Variants in PDE4D observed in about 807,000 individuals in gnomAD.
PDE4D encodes 3',5'-cyclic-AMP phosphodiesterase 4D.
In PDE4D, 24 loss-of-function variants were observed where a neutral mutation model predicts 87.4. The ratio of observed to expected loss-of-function variants is 0.27; its 90% confidence interval spans 0.20 to 0.39. The LOEUF (loss-of-function observed/expected upper bound fraction) is 0.39, where lower values mean the gene tolerates loss of function less well. Among genes scored for constraint, PDE4D ranks in the 10% least tolerant of loss-of-function variants. PDE4D has a pLI of 1.00. For synonymous variants in PDE4D, 384 were observed against 383.2 expected (o/e 1.00, Z -0.02); for missense variants, 714 against 1,041.0 (o/e 0.69, Z 4.32).
chr5:59,327,994 C>T (rs1257678665), intron 1 of PDE4D, among the ~76,000 whole-genome samples: 1 of 152,038 alleles, frequency 6.6e-6, no homozygotes, highest in Non-Finnish European at 1.5e-5. Context: ...GTATTTTATA[C>T]AAAATTATCA....
At chr5:60,234,425 G>A (rs1746182938) in intron 1 of PDE4D, among the ~76,000 whole-genome samples, 1 of 151,676 alleles carries the variant, frequency 6.6e-6, no homozygotes, top group Non-Finnish European at 1.5e-5. Flanking sequence ...AAGTTTTCTT[G>A]TAGATATATG....
chr5:60,207,836 C>A (rs745443653), intron 1 of PDE4D, among the ~76,000 whole-genome samples: 1 of 152,132 alleles, frequency 6.6e-6, no homozygotes, highest in Non-Finnish European at 1.5e-5. Context: ...TCAGTGTGAT[C>A]GACATAGACC....
intron 1 of PDE4D, chr5:59,703,625 C>G (rs1292741945): frequency 1.9e-6 from 1 of 534,222 alleles, no homozygotes; most frequent in East Asian, 5.5e-5. Flanking sequence ...ACTTTGCACC[C>G]TTTGGGTTCA....
chr5:59,337,796 G>C (rs1316312988), intron 1 of PDE4D, among the ~76,000 whole-genome samples: 1 of 152,084 alleles, frequency 6.6e-6, no homozygotes, highest in Non-Finnish European at 1.5e-5. Context: ...CGTTGTTTTT[G>C]CCTTTGAAGT....
intron 1 of PDE4D, among the ~76,000 whole-genome samples, chr5:59,219,992 A>G (rs1295447018): frequency 1.3e-5 from 2 of 152,174 alleles, no homozygotes; most frequent in Non-Finnish European, 2.9e-5. Context: ...TTGGTATTAA[A>G]GAATAGTGGG....
chr5:59,804,580 A>G (rs1767533565), intron 1 of PDE4D, among the ~76,000 whole-genome samples: 1 of 151,502 alleles, frequency 6.6e-6, no homozygotes, highest in African/African-American at 2.4e-5. Context: ...TTAAAAATAC[A>G]ATCACCCAAA....
intron 1 of PDE4D, among the ~76,000 whole-genome samples, chr5:60,517,390 T>A (rs1293993353): frequency 2.0e-5 from 3 of 152,222 alleles, no homozygotes; most frequent in African/African-American, 7.2e-5. Flanking sequence ...AGGCCTGGGA[T>A]GGCCTGAAGC....
intron 1 of PDE4D, among the ~76,000 whole-genome samples, chr5:59,850,362 G>A (rs1744496925): frequency 1.3e-5 from 2 of 151,988 alleles, no homozygotes; most frequent in South Asian, 4.1e-4. Flanking sequence ...TGCACATCGG[G>A]TTAGGAGTGC....
At position 59,882,440 on chromosome 5, in the gene PDE4D, G is replaced by C. The variant is rs368408839; in HGVS notation, c.455+10728C>G. On this transcript the variant is annotated intron_variant, in intron 1 of 14. Coordinates refer to ENST00000340635, the MANE Select transcript of PDE4D (RefSeq NM_001104631.2). ...ATTTAAAAATGCTTCCAAGTGAGCT[G>C]GAAGCACACCTGCATACTAGGTAAT... is the stretch of plus-strand genomic sequence containing the variant. 6.6e-5 allele frequency among the ~76,000 whole-genome samples: 10 copies of C among 152,232 alleles called. No homozygotes were observed. The East Asian group carries it at 1.5e-3, about 24-fold the overall frequency.
intron 1 of PDE4D, among the ~76,000 whole-genome samples, chr5:59,491,818 G>A (rs1455699260): frequency 1.3e-5 from 2 of 152,174 alleles, no homozygotes; most frequent in Non-Finnish European, 2.9e-5. Context: ...TTCCTGGTGA[G>A]ATAGCAGGGA....
intron 3 of PDE4D, among the ~76,000 whole-genome samples, chr5:59,984,927 G>C (rs942018096): frequency 4.6e-5 from 7 of 151,984 alleles, no homozygotes; most frequent in Non-Finnish European, 8.8e-5. Flanking sequence ...ATTTGCAATT[G>C]CTAAGGTATG....
chr5:59,004,225 C>A (rs925656153), intron 6 of PDE4D, among the ~76,000 whole-genome samples: 1 of 151,896 alleles, frequency 6.6e-6, no homozygotes. Flanking sequence ...AATACTTGTA[C>A]ACAACTACAT....
At chr5:60,223,180 A>T (rs1157941406) in intron 1 of PDE4D, among the ~76,000 whole-genome samples, 1 of 152,114 alleles carries the variant, frequency 6.6e-6, no homozygotes, top group African/African-American at 2.4e-5. Flanking sequence ...ACTCTGAGTT[A>T]AATTAGGAAA....
intron 1 of PDE4D, among the ~76,000 whole-genome samples, chr5:59,720,746 A>G (rs577683275): frequency 3.3e-5 from 5 of 152,246 alleles, no homozygotes; most frequent in African/African-American, 1.2e-4. Context: ...AAACTCCTTC[A>G]CAAAAGAGGG....
At chr5:59,747,582 A>C (rs985730525) in intron 1 of PDE4D, among the ~76,000 whole-genome samples, 1 of 152,092 alleles carries the variant, frequency 6.6e-6, no homozygotes, top group African/African-American at 2.4e-5. Flanking sequence ...ATCATTTCTC[A>C]CCTTCTCTCT....
chr5:59,394,522 G>C (rs1452285092), intron 1 of PDE4D, among the ~76,000 whole-genome samples: 1 of 152,068 alleles, frequency 6.6e-6, no homozygotes, highest in Non-Finnish European at 1.5e-5. Flanking sequence ...TTCCCTTAGT[G>C]ATATATATGC....
intron 1 of PDE4D, among the ~76,000 whole-genome samples, chr5:59,630,019 C>T (rs1831366533): frequency 6.6e-6 from 1 of 152,154 alleles, no homozygotes; most frequent in Non-Finnish European, 1.5e-5. Flanking sequence ...ATGGTTATGT[C>T]TATACCGTAG....
intron 1 of PDE4D, among the ~76,000 whole-genome samples, chr5:59,869,946 C>A (rs749453688): frequency 9.2e-5 from 14 of 152,308 alleles, no homozygotes; most frequent in Non-Finnish European, 1.8e-4. Flanking sequence ...GCATTTGAAT[C>A]ACCTGCCCGG....
Position 60,345,056 on chromosome 5 carries a change from G to A in PDE4D, c.-90+142886C>T, listed in dbSNP as rs529638340. Among the ~76,000 whole-genome samples, 35 of 151,330 alleles carry A rather than the reference G, an allele frequency of 2.3e-4. 1 individual carries two copies. In the South Asian group the frequency reaches 6.3e-3, roughly 27 times the overall value. ...ATGTAGTTGAGATTATACTATATAC[G>A]TATTACATACACGTATATATAGTTT... On this transcript the variant is annotated intron_variant, in intron 1 of 16. Coordinates refer to the PDE4D transcript ENST00000502484.
Sources: gnomAD v4.1 joint callset for allele counts (sites outside exome capture counted in the v4.1 genomes callset) on GRCh38, gnomAD v4.1.1 for gene constraint, MANE v1.5 for transcripts, NCBI Gene and HGNC (gene_info 2026-07-23, HGNC 2026-07-21) for gene names.